Variants in HSD17B12 observed in about 807,000 individuals in gnomAD.
HSD17B12 encodes the protein very-long-chain 3-oxoacyl-CoA reductase.
HSD17B12 carries 32 observed loss-of-function variants against 39.3 expected under a neutral mutation model. That is an observed-to-expected ratio of 0.81 (90% CI 0.61 to 1.09). The LOEUF is 1.09. Ranked by LOEUF, HSD17B12 falls within the 50% of genes least tolerant of loss-of-function variation. The probability of loss-of-function intolerance (pLI) is 0.00; values close to 1 mark genes in which losing one functional copy is unlikely to be tolerated. For missense variants in HSD17B12, 342 were observed against 382.9 expected, an observed-to-expected ratio of 0.89 and a Z score of 0.89; for synonymous variants, 150 against 146.7, an observed-to-expected ratio of 1.02 and a Z score of -0.16.
At chr11:43,753,541 A>AC (rs1378853993) in intron 2 of HSD17B12, among the ~76,000 whole-genome samples, 1 of 148,870 alleles carries the variant, frequency 6.7e-6, no homozygotes. Context: ...GGCATGTGCC[A>AC]CCACACCCAG....
Position 43,768,343 on chromosome 11 carries a change from C to T in HSD17B12, c.283+14222C>T, listed in dbSNP as rs1950615908. 2.6e-5 allele frequency among the ~76,000 whole-genome samples: 4 copies of T among 152,096 alleles called. No individual in the cohort carries two copies. The South Asian group carries it at 8.3e-4, about 32-fold the overall frequency. ...ATACAATAATTTTTCCTTTTTAAGA[C>T]ATAGCCATGCCCTTGTATTCATTTA... On this transcript the variant is annotated intron_variant, in intron 3 of 10. Coordinates refer to ENST00000278353, the MANE Select transcript of HSD17B12 (RefSeq NM_016142.3).
At chr11:43,846,144 A>G (rs1304179807) in intron 9 of HSD17B12, among the ~76,000 whole-genome samples, 2 of 152,226 alleles carry the variant, frequency 1.3e-5, no homozygotes, top group Non-Finnish European at 2.9e-5. Flanking sequence ...ACCTACAGAA[A>G]GTTGCTTCAT....
intron 6 of HSD17B12, among the ~76,000 whole-genome samples, chr11:43,822,008 T>C (rs1055507852): frequency 1.3e-4 from 20 of 152,174 alleles, no homozygotes; most frequent in Non-Finnish European, 4.4e-5. Context: ...CTTCAGGTGA[T>C]ACTGAATCCT....
intron 9 of HSD17B12, chr11:43,852,892 G>A (rs565952393): frequency 3.3e-5 from 5 of 152,280 alleles, no homozygotes; most frequent in African/African-American, 1.2e-4. Flanking sequence ...GCAGCAACAA[G>A]GAAAGAGGAA....
chr11:43,585,520 C>T, the HSD17B12 span, among the ~76,000 whole-genome samples: 1 of 152,194 alleles, frequency 6.6e-6, no homozygotes, highest in Non-Finnish European at 1.5e-5. Flanking sequence ...TACAACAGAT[C>T]TATTTGCTAT....
the HSD17B12 span, among the ~76,000 whole-genome samples, chr11:43,638,925 T>G: frequency 6.6e-6 from 1 of 152,088 alleles, no homozygotes; most frequent in Non-Finnish European, 1.5e-5. Context: ...CCCGAAGATT[T>G]AAGGGCTCCC....
the HSD17B12 span, among the ~76,000 whole-genome samples, chr11:43,615,916 G>A: frequency 6.6e-6 from 1 of 152,126 alleles, no homozygotes; most frequent in African/African-American, 2.4e-5. Context: ...CATGGCCAAG[G>A]CAATGTTTGT....
At chr11:43,678,391 C>T (rs560068977), upstream of HSD17B12, among the ~76,000 whole-genome samples, 1 of 152,250 alleles carries the variant, frequency 6.6e-6, no homozygotes, top group Non-Finnish European at 1.5e-5. Flanking sequence ...GTTGCCTGTT[C>T]ACTCTGATGG....
chr11:43,575,356 C>G, the HSD17B12 span, among the ~76,000 whole-genome samples: 2 of 152,206 alleles, frequency 1.3e-5, no homozygotes, highest in Non-Finnish European at 2.9e-5. The surrounding 1 kb of genome is among the most constrained non-coding windows in gnomAD (Gnocchi z 4.1). Context: ...CTCGAGGAGC[C>G]GGGGCTATCT....
intron 3 of HSD17B12, among the ~76,000 whole-genome samples, chr11:43,796,054 CG>C (rs1703969242): frequency 6.6e-6 from 1 of 152,032 alleles, no homozygotes; most frequent in Non-Finnish European, 1.5e-5. Context: ...CCCGAGTGTA[CG>C]TGGACAACAT....
the HSD17B12 span, among the ~76,000 whole-genome samples, chr11:43,596,509 T>C: frequency 6.6e-6 from 1 of 152,188 alleles, no homozygotes; most frequent in Non-Finnish European, 1.5e-5. Context: ...CACAGCTTAC[T>C]GCAGCCTCTA....
At chr11:43,573,259 G>A in the HSD17B12 span, among the ~76,000 whole-genome samples, 1 of 152,212 alleles carries the variant, frequency 6.6e-6, no homozygotes, top group Non-Finnish European at 1.5e-5. Flanking sequence ...AGTACAGGAT[G>A]ATGAGACAGC....
At chr11:43,790,326 T>C (rs535742047) in intron 3 of HSD17B12, among the ~76,000 whole-genome samples, 7 of 152,166 alleles carry the variant, frequency 4.6e-5, no homozygotes, top group East Asian at 1.9e-4. Context: ...TGAAAAAATA[T>C]GCAGCTGATG....
At chr11:43,648,724 A>T in the HSD17B12 span, among the ~76,000 whole-genome samples, 12 of 148,740 alleles carry the variant, frequency 8.1e-5, no homozygotes, top group African/African-American at 2.7e-4. Flanking sequence ...GGATTTGAAA[A>T]TTTTTTTTGT....
chr11:43,686,501 G>C (rs918285179), intron 1 of HSD17B12, among the ~76,000 whole-genome samples: 1 of 151,972 alleles, frequency 6.6e-6, no homozygotes, highest in Non-Finnish European at 1.5e-5. Flanking sequence ...AACCAAAGAG[G>C]GAGGTTTCCT....
chr11:43,711,245 C>T (rs1014893602), intron 1 of HSD17B12, among the ~76,000 whole-genome samples: 1 of 152,152 alleles, frequency 6.6e-6, no homozygotes, highest in African/African-American at 2.4e-5. Flanking sequence ...GAACCTACTT[C>T]ATGCATATAA....
At chr11:43,706,259 C>T (rs1950013792) in intron 1 of HSD17B12, among the ~76,000 whole-genome samples, 2 of 152,068 alleles carry the variant, frequency 1.3e-5, no homozygotes, top group South Asian at 4.1e-4. Flanking sequence ...GAAATGAATC[C>T]TCAGGCTGGC....
the HSD17B12 span, among the ~76,000 whole-genome samples, chr11:43,637,217 CTTTTTTTT>C: frequency 1.8e-5 from 2 of 109,474 alleles, no homozygotes; most frequent in Non-Finnish European, 3.6e-5. Flanking sequence ...GGTGTTTTTC[CTTTTTTTT>C]TTTTTTTTTT....
chr11:43,753,937 A>C (rs904281977), intron 2 of HSD17B12, 109 bp from the exon 3 acceptor site: 1 of 619,316 alleles, frequency 1.6e-6, no homozygotes, highest in Non-Finnish European at 2.8e-6. Flanking sequence ...ACTTGGGTTT[A>C]TATTTTGAAC....
Sources: allele counts gnomAD v4.1 joint callset (sites outside exome capture counted in the v4.1 genomes callset), GRCh38; gene constraint gnomAD v4.1.1; non-coding constraint Gnocchi (gnomAD v3.1); transcripts MANE v1.5; gene names NCBI Gene and HGNC (gene_info 2026-07-23, HGNC 2026-07-21).